MTCL3: variants seen among roughly 807,000 people sequenced by gnomAD.
The protein encoded by MTCL3 is microtubule cross-linking factor 3.
At chr6:127,481,957 T>A in the MTCL3 span, among the ~76,000 whole-genome samples, 1 of 152,196 alleles carries the variant, frequency 6.6e-6, no homozygotes, top group Non-Finnish European at 1.5e-5. Context: ...CTGGTCGTCT[T>A]CACTGCTACA....
chr6:127,493,176 ATAACTT>A, the MTCL3 span, among the ~76,000 whole-genome samples: 1 of 152,230 alleles, frequency 6.6e-6, no homozygotes, highest in African/African-American at 2.4e-5. Flanking sequence ...GAGAAGAACA[ATAACTT>A]TAAATATTCC....
the MTCL3 span, among the ~76,000 whole-genome samples, chr6:127,516,898 C>T: frequency 8.5e-5 from 13 of 152,272 alleles, no homozygotes; most frequent in East Asian, 1.9e-3. Flanking sequence ...CATCTCACTC[C>T]ACCTCAGCAA....
At chr6:127,490,981 G>C in the MTCL3 span, among the ~76,000 whole-genome samples, 1 of 152,194 alleles carries the variant, frequency 6.6e-6, no homozygotes, top group Admixed American at 6.5e-5. Flanking sequence ...GGTGACAATA[G>C]CAAGAGAACT....
the MTCL3 span, among the ~76,000 whole-genome samples, chr6:127,489,180 G>A: frequency 6.6e-6 from 1 of 152,122 alleles, no homozygotes; most frequent in Admixed American, 6.5e-5. Flanking sequence ...TGGGATGAAT[G>A]ATCTTTGATG....
the MTCL3 span, among the ~76,000 whole-genome samples, chr6:127,505,848 C>T: frequency 2.0e-5 from 3 of 152,082 alleles, no homozygotes; most frequent in African/African-American, 7.2e-5. Flanking sequence ...CACACTACAC[C>T]AGGCATTCAA....
At chr6:127,512,867 AC>A in the MTCL3 span, 8 of 1,598,134 alleles carry the variant, frequency 5.0e-6, no homozygotes, top group Non-Finnish European at 6.8e-6. Context: ...TACATAGTAC[AC>A]CATGAAATAA....
the MTCL3 span, among the ~76,000 whole-genome samples, chr6:127,485,754 A>T: frequency 6.6e-6 from 1 of 152,298 alleles, no homozygotes; most frequent in Admixed American, 6.5e-5. Flanking sequence ...AACTGTTTAT[A>T]ATGATAAAAA....
chr6:127,502,737 A>T, the MTCL3 span, among the ~76,000 whole-genome samples: 1 of 152,208 alleles, frequency 6.6e-6, no homozygotes, highest in South Asian at 2.1e-4. Flanking sequence ...CTGATATGGT[A>T]CCATACAATT....
At chr6:127,489,061 G>C in the MTCL3 span, among the ~76,000 whole-genome samples, 1 of 152,082 alleles carries the variant, frequency 6.6e-6, no homozygotes, top group Non-Finnish European at 1.5e-5. Context: ...AGGTCTATTC[G>C]TGCAATTTTT....
chr6:127,491,208 A>G, the MTCL3 span, among the ~76,000 whole-genome samples: 42 of 152,374 alleles, frequency 2.8e-4, no homozygotes, highest in Admixed American at 8.5e-4. Flanking sequence ...GCAAGAATTT[A>G]TTCCAATATT....
the MTCL3 span, among the ~76,000 whole-genome samples, chr6:127,495,219 T>C: frequency 6.6e-6 from 1 of 151,950 alleles, no homozygotes; most frequent in East Asian, 1.9e-4. Context: ...AAAATTATTT[T>C]ATATCTTAGA....
chr6:127,475,204 G>A, the MTCL3 span: 14 of 1,401,254 alleles, frequency 1.0e-5, no homozygotes, highest in African/African-American at 1.4e-5. The surrounding 1 kb of genome is among the most constrained non-coding windows in gnomAD (Gnocchi z 7.3). Context: ...AGCGGGGCGC[G>A]GCAGTCCGGG....
At chr6:127,511,711 A>AT in the MTCL3 span, among the ~76,000 whole-genome samples, 7 of 150,458 alleles carry the variant, frequency 4.7e-5, no homozygotes, top group African/African-American at 1.0e-4. Context: ...TCATTAAAAT[A>AT]TTTTTTTACT....
chr6:127,514,781 C>A, the MTCL3 span: 2 of 1,559,212 alleles, frequency 1.3e-6, no homozygotes, highest in Non-Finnish European at 1.7e-6. Flanking sequence ...AGTCCCCACC[C>A]ACCGCCCCTG....
the MTCL3 span, chr6:127,476,513 T>C: frequency 6.8e-7 from 1 of 1,468,568 alleles, no homozygotes. This position sits in a 1 kb window ranked among gnomAD's most constrained non-coding sequence, Gnocchi z 4.4. Flanking sequence ...ATCATTTTTA[T>C]GTAAATCAAG....
the MTCL3 span, chr6:127,516,301 G>A: frequency 3.8e-6 from 6 of 1,567,402 alleles, no homozygotes; most frequent in African/African-American, 4.1e-5. Flanking sequence ...CAGGGGCGTC[G>A]CCTTCTCGGC....
the MTCL3 span, among the ~76,000 whole-genome samples, chr6:127,474,557 C>G: frequency 6.6e-6 from 1 of 152,098 alleles, no homozygotes; most frequent in Non-Finnish European, 1.5e-5. Flanking sequence ...CCACAGTGCC[C>G]TGCCATCAAT....
the MTCL3 span, among the ~76,000 whole-genome samples, chr6:127,505,003 C>A: frequency 6.6e-6 from 1 of 152,154 alleles, no homozygotes; most frequent in East Asian, 1.9e-4. Context: ...TGTTTAGGGG[C>A]CATCATTCAA....
the MTCL3 span, among the ~76,000 whole-genome samples, chr6:127,485,671 G>C: frequency 6.6e-6 from 1 of 152,022 alleles, no homozygotes; most frequent in Non-Finnish European, 1.5e-5. Context: ...TTTAGTTTCT[G>C]GTCTATATGT....
Sources: allele counts gnomAD v4.1 joint callset (sites outside exome capture counted in the v4.1 genomes callset), GRCh38; gene constraint gnomAD v4.1.1; non-coding constraint Gnocchi (gnomAD v3.1); transcripts MANE v1.5; gene names NCBI Gene and HGNC (gene_info 2026-07-23, HGNC 2026-07-21).